Variants in MYH4 observed in about 807,000 individuals in gnomAD.
MYH4 encodes myosin heavy chain 4.
In MYH4, 200 loss-of-function variants were observed where a neutral mutation model predicts 229.9. The observed-to-expected ratio is 0.87, with a 90% CI of 0.78 to 0.98. The LOEUF is 0.98. MYH4 is among the 50% of genes least tolerant of loss of function. MYH4 has a pLI of 0.00. For synonymous variants in MYH4, 761 were observed against 834.6 expected, an observed-to-expected ratio of 0.91 and a Z score of 1.52; for missense variants, 2,148 against 2,332.6, an observed-to-expected ratio of 0.92 and a Z score of 1.63.
chr17:10,463,224 C>G (rs1300085028), intron 9 of MYH4, 36 bp from the exon 10 acceptor site: 6 of 1,574,136 alleles, frequency 3.8e-6, no homozygotes, highest in Non-Finnish European at 5.2e-6. Flanking sequence ...AAAGAAGATG[C>G]CACAGTGAAA....
At chr17:10,459,137 C>T (rs1313271428) in intron 15 of MYH4, 114 bp downstream of exon 15, 10 of 1,524,432 alleles carry the variant, frequency 6.6e-6, no homozygotes, top group Admixed American at 5.3e-5. Flanking sequence ...TCAGAATATA[C>T]GAGTGTGTCA....
intron 31 of MYH4, 30 bp downstream of exon 31, chr17:10,448,834 C>G: frequency 6.2e-7 from 1 of 1,613,058 alleles, no homozygotes; most frequent in Non-Finnish European, 8.5e-7. Flanking sequence ...ATGTCAGTTT[C>G]CCCCAAGGGG....
chr17:10,463,220 G>T, intron 9 of MYH4, 32 bp from the exon 10 acceptor site: 1 of 1,580,110 alleles, frequency 6.3e-7, no homozygotes, highest in Non-Finnish European at 8.7e-7. Flanking sequence ...TTTAAAAGAA[G>T]ATGCCACAGT....
At position 10,463,345 on chromosome 17, in the gene MYH4, A is replaced by G; in HGVS notation, c.798T>C (p.Ile266=). 1 of 1,609,644 alleles carries G rather than the reference A, an allele frequency of 6.2e-7. No homozygotes were observed. Among genetic ancestry groups the G allele is most frequent in the Non-Finnish European group, 8.5e-7 (1 of 1,178,034 alleles). Residue 266 remains isoleucine, a synonymous_variant, in exon 9 of 40, where the codon ATT becomes ATC. Transcript: ENST00000255381. The part of the protein sequence containing the change: ...GATGKLASAD[I]ETYLLEKSRV... ...TAATATTTATTAACTTACATGTTTC[A>G]ATATCTGCAGAAGCCAGTTTGCCTG... is the stretch of plus-strand genomic sequence containing the variant.
chr17:10,464,582 C>T lies in MYH4; in HGVS notation c.538G>A (p.Glu180Lys). The stretch of plus-strand genomic sequence containing the variant: ...TTCACAGTCTTCCCTGCACCAGATT[C>T]TCCACTATCAAGTTCAAACAGAAGA... ...RENQSILITG[E>K]SGAGKTVNTK... The change falls in exon 7 of 40, where the codon GAA becomes AAA. Residue 180 changes from glutamate to lysine, a missense_variant. Glu to Lys is a moderately conservative substitution (Grantham distance 56, BLOSUM62 1). Transcript: ENST00000255381. The T allele has an allele frequency of 6.2e-7, 1 of 1,614,044 alleles. No individual in the cohort carries two copies. Among genetic ancestry groups the T allele is most frequent in the Non-Finnish European group, 8.5e-7 (1 of 1,179,988 alleles).
At chr17:10,444,021 T>G (rs2072484479) in intron 39 of MYH4, among the ~76,000 whole-genome samples, 1 of 152,112 alleles carries the variant, frequency 6.6e-6, no homozygotes, top group Admixed American at 6.5e-5. Flanking sequence ...CTTATGACCC[T>G]CCTCAAGTCT....
Position 10,452,443 on chromosome 17 carries a change from C to T in MYH4, c.3321G>A (p.Gln1107=), listed in dbSNP as rs146532637. The T allele has an allele frequency of 6.2e-7, 1 of 1,614,118 alleles. No individual in the cohort carries two copies. Among genetic ancestry groups the T allele is most frequent in the Non-Finnish European group, 8.5e-7 (1 of 1,180,006 alleles). ...KIEDEQALAI[Q]LQKKIKELQA... Reference sequence around the variant, plus strand: ...GTAATTCTTTGATCTTCTTTTGTAGCTGTATTGCAAGGGCTTGTTCATCTT... The same window carrying T: ...GTAATTCTTTGATCTTCTTTTGTAGTTGTATTGCAAGGGCTTGTTCATCTT... Residue 1107 remains glutamine, a synonymous_variant, in exon 26 of 40, where the codon CAG becomes CAA. Coordinates refer to ENST00000255381, the MANE Select transcript of MYH4 (RefSeq NM_017533.2).
rs2072692897 is a variant in MYH4 at position 10,460,787 on chromosome 17, G to A, written c.1147+129C>T. On this transcript the variant is annotated intron_variant, in intron 12 of 39. Transcript: ENST00000255381. Reference sequence around the variant, plus strand: ...AATAATGTAAAACGTCAGGCAGTGTGTAATTTCCTTCTCGTAATACTTTTG... The same window carrying A: ...AATAATGTAAAACGTCAGGCAGTGTATAATTTCCTTCTCGTAATACTTTTG... 4 of 919,160 alleles carry A rather than the reference G, an allele frequency of 4.4e-6. No individual in the cohort carries two copies. In the Admixed American group the frequency reaches 9.2e-5, roughly 21 times the overall value. The allele number at this position is 919,160 out of a possible 1,614,324, so 56.9% of individuals were successfully genotyped here. A position where few individuals can be genotyped will look rare whatever the true frequency, so the allele number is the denominator to read the frequency against.
chr17:10,453,246 G>A lies in MYH4; in HGVS notation c.3017C>T (p.Ala1006Val), dbSNP rs1322886330. The change falls in exon 24 of 40, where the codon GCC becomes GTC. Residue 1006 changes from alanine to valine, a missense_variant. By Grantham distance (64) the Ala-to-Val change is moderately conservative. Transcript: ENST00000255381. ...LTKEKKALQE[A>V]HQQTLDDLQM... ...CAGGTCATCCAGGGTCTGCTGGTGG[G>A]CCTCCTGGAGAGCCTTCTTCTCCTT... The A allele has an allele frequency of 6.2e-7, 1 of 1,613,872 alleles. No homozygotes were observed. Among genetic ancestry groups the A allele is most frequent in the African/African-American group, 1.3e-5 (1 of 74,850 alleles).
chr17:10,448,806 C>A (rs372081793), intron 31 of MYH4, 23 bp from the exon 32 acceptor site: 15 of 1,612,702 alleles, frequency 9.3e-6, no homozygotes, highest in Non-Finnish European at 1.3e-5. Context: ...AGAAAATAAG[C>A]CTTTGAAACC....
intron 11 of MYH4, 121 bp downstream of exon 11, chr17:10,462,744 A>G: frequency 1.4e-6 from 1 of 729,310 alleles, no homozygotes; most frequent in South Asian, 3.1e-5. Context: ...AAAGTAAGAA[A>G]GCCCAAAGGG....
rs1283369286 is a variant in MYH4 at position 10,444,657 on chromosome 17, C to T, written c.5614G>A (p.Val1872Met). ...TTGACTTTGGTTTGCAATTTGTCCACCAAGTCCTGCAGCCTGAGAATATTC... is the reference window on the plus strand; with the variant it reads ...TTGACTTTGGTTTGCAATTTGTCCATCAAGTCCTGCAGCCTGAGAATATTC... ...RKNILRLQDL[V>M]DKLQTKVKAY... The change falls in exon 39 of 40, where the codon GTG becomes ATG. Residue 1872 changes from valine to methionine, a missense_variant. Transcript: ENST00000255381. 6.2e-7 allele frequency: 1 copy of T among 1,613,864 alleles called. No individual in the cohort carries two copies. The highest frequency in any genetic ancestry group is 8.5e-7 in the Non-Finnish European group (1 of 1,179,984).
In MYH4 at chr17:10,452,241, C is replaced by T; in HGVS notation, c.3438G>A (p.Glu1146=). ...AEKQRSDLSR[E]LEEISERLEE... Reference sequence around the variant, plus strand: ...CCAGCCTCTCACTGATCTCCTCCAGCTCCCGGGAGAGGTCAGAGCGCTGCT... The same window carrying T: ...CCAGCCTCTCACTGATCTCCTCCAGTTCCCGGGAGAGGTCAGAGCGCTGCT... Residue 1146 remains glutamate, a synonymous_variant, in exon 27 of 40, where the codon GAG becomes GAA. Coordinates refer to ENST00000255381, the MANE Select transcript of MYH4 (RefSeq NM_017533.2). 6.2e-7 allele frequency: 1 copy of T among 1,613,992 alleles called. No individual in the cohort carries two copies.
In MYH4 at chr17:10,443,858, A is replaced by G. The variant is rs533906337; in HGVS notation, c.5668-331T>C. On this transcript the variant is annotated intron_variant, in intron 39 of 39. Coordinates refer to ENST00000255381, the MANE Select transcript of MYH4 (RefSeq NM_017533.2). The surrounding 1 kb of genome is among the most constrained non-coding windows in gnomAD (Gnocchi z 4.6). ...GACCCAGGAGGCAGAGATTGCAGTG[A>G]GCTGAGATTGTGCCATTGCACTCCA... is the stretch of plus-strand genomic sequence containing the variant. Among the ~76,000 whole-genome samples, 1 of 151,528 alleles carries G rather than the reference A, an allele frequency of 6.6e-6. No individual in the cohort carries two copies. Among genetic ancestry groups the G allele is most frequent in the African/African-American group, 2.4e-5 (1 of 41,412 alleles).
rs759413209 is a variant in MYH4, at chr17:10,465,563, G to C, written c.384C>G (p.Pro128=). The C allele has an allele frequency of 2.5e-6, 4 of 1,614,132 alleles. No individual in the cohort carries two copies. In the Admixed American group the frequency reaches 6.7e-5, roughly 27 times the overall value. The change falls in exon 5 of 40, where the codon CCC becomes CCG. Residue 128 remains proline, a synonymous_variant. Coordinates refer to ENST00000255381, the MANE Select transcript of MYH4 (RefSeq NM_017533.2). ...YSGLFCVTVN[P]YKWLPVYNPE... is the part of the protein sequence containing the mutation. ...GGTTGTACACCGGCAGCCACTTGTA[G>C]GGGTTGACGGTGACACAGAAGAGGC...
chr17:10,456,578 T>G (rs759583343), intron 16 of MYH4, 23 bp from the exon 17 acceptor site: 11 of 1,603,426 alleles, frequency 6.9e-6, no homozygotes, highest in African/African-American at 1.3e-5. Context: ...ATGGGAAAAA[T>G]AAAGTTATTT....
chr17:10,444,923 C>A (rs754220373), intron 37 of MYH4, 24 bp from the exon 38 acceptor site: 1 of 1,614,126 alleles, frequency 6.2e-7, no homozygotes, highest in Non-Finnish European at 8.5e-7. Context: ...AAGACGTTTA[C>A]CAGTTTGGCT....
Position 10,456,706 on chromosome 17 carries a change from A to T in MYH4, c.1898-151T>A. ...ATTCTTTCCATATCTCTCCTCCCTC[A>T]ATTGTAGATTAAGAAAGTCTAAGAT... is the stretch of plus-strand genomic sequence containing the variant. On this transcript the variant is annotated intron_variant, in intron 16 of 39. Transcript: ENST00000255381. The T allele has an allele frequency of 4.8e-6, 3 of 626,020 alleles. No homozygotes were observed. The South Asian group carries it at 6.8e-5, about 14-fold the overall frequency. The allele number at this position is 626,020 out of a possible 1,614,324, so 38.8% of individuals were successfully genotyped here. A position where few individuals can be genotyped will look rare whatever the true frequency, so the allele number is the denominator to read the frequency against.
At chr17:10,458,417 A>G in intron 15 of MYH4, among the ~76,000 whole-genome samples, 1 of 152,212 alleles carries the variant, frequency 6.6e-6, no homozygotes, top group East Asian at 1.9e-4. Context: ...GTTTTCATGA[A>G]TAGTAGAGAT....
Sources: allele counts gnomAD v4.1 joint callset (sites outside exome capture counted in the v4.1 genomes callset), GRCh38; gene constraint gnomAD v4.1.1; non-coding constraint Gnocchi (gnomAD v3.1); transcripts MANE v1.5; gene names NCBI Gene and HGNC (gene_info 2026-07-23, HGNC 2026-07-21).